The following TMEM132B variants were observed in gnomAD, a reference collection of about 807,000 sequenced individuals.
TMEM132B encodes the protein transmembrane protein 132B.
TMEM132B carries 18 observed loss-of-function variants against 90.8 expected under a neutral mutation model. The ratio of observed to expected loss-of-function variants is 0.20; its 90% CI spans 0.14 to 0.29. The LOEUF is 0.29. Among genes scored for constraint, TMEM132B ranks in the 10% least tolerant of loss-of-function variants. The pLI is 1.00. For missense variants in TMEM132B, 1,096 were observed against 1,326.8 expected, an observed-to-expected ratio of 0.83 and a Z score of 2.70; for synonymous variants, 504 against 523.3, an observed-to-expected ratio of 0.96 and a Z score of 0.50.
intron 5 of TMEM132B, 129 bp downstream of exon 5, chr12:125,584,123 C>A: frequency 7.2e-7 from 1 of 1,383,002 alleles, no homozygotes; most frequent in South Asian, 1.2e-5. Flanking sequence ...AATGACCTCA[C>A]GAAGGAGGAA....
chr12:125,333,698 G>T (rs1001000507), intron 1 of TMEM132B, among the ~76,000 whole-genome samples: 2 of 152,180 alleles, frequency 1.3e-5, no homozygotes, highest in South Asian at 2.1e-4. Flanking sequence ...GCTGATTACT[G>T]CTGGGTAAGA....
At chr12:125,569,330 G>T (rs1051390843) in intron 4 of TMEM132B, among the ~76,000 whole-genome samples, 9 of 152,128 alleles carry the variant, frequency 5.9e-5, no homozygotes, top group Non-Finnish European at 1.0e-4. Flanking sequence ...TGCTGGCCCA[G>T]GGTCACCTAG....
At chr12:125,577,441 G>A (rs1366553922) in intron 4 of TMEM132B, among the ~76,000 whole-genome samples, 1 of 150,254 alleles carries the variant, frequency 6.7e-6, no homozygotes, top group African/African-American at 2.4e-5. Context: ...TCATTGCATT[G>A]GTTTTCTGTA....
At chr12:125,558,867 G>T (rs1884455082) in intron 4 of TMEM132B, among the ~76,000 whole-genome samples, 1 of 152,114 alleles carries the variant, frequency 6.6e-6, no homozygotes, top group Non-Finnish European at 1.5e-5. Flanking sequence ...GACAAACAAG[G>T]TTCCTGTCTC....
At chr12:125,582,539 C>T (rs1300043474) in intron 4 of TMEM132B, among the ~76,000 whole-genome samples, 1 of 152,128 alleles carries the variant, frequency 6.6e-6, no homozygotes, top group Non-Finnish European at 1.5e-5. Context: ...GGTGAACTCT[C>T]ATTGCTGGGC....
intron 1 of TMEM132B, among the ~76,000 whole-genome samples, chr12:125,252,091 T>C (rs1874329818): frequency 6.6e-6 from 1 of 152,174 alleles, no homozygotes; most frequent in Admixed American, 6.5e-5. Flanking sequence ...ACCCACTACC[T>C]AACGTGATGG....
chr12:125,614,643 G>A (rs1885944093), intron 5 of TMEM132B, among the ~76,000 whole-genome samples: 1 of 152,140 alleles, frequency 6.6e-6, no homozygotes, highest in South Asian at 2.1e-4. Context: ...TGCTGGCAAA[G>A]CTGTAGAAAA....
intron 1 of TMEM132B, among the ~76,000 whole-genome samples, chr12:125,198,847 C>T (rs1343249973): frequency 6.6e-6 from 1 of 152,184 alleles, no homozygotes; most frequent in Admixed American, 6.5e-5. Flanking sequence ...TCCCTCCTGC[C>T]CCTGGAGGCT....
intron 5 of TMEM132B, among the ~76,000 whole-genome samples, chr12:125,596,005 A>G (rs1018787813): frequency 6.6e-6 from 1 of 151,856 alleles, no homozygotes; most frequent in African/African-American, 2.4e-5. Flanking sequence ...AGAGAAACTC[A>G]CTCATGTCAG....
At chr12:125,229,025 C>T (rs11058085) in intron 1 of TMEM132B, among the ~76,000 whole-genome samples, 18,681 of 152,190 alleles carry the variant, frequency 0.12, 1,279 homozygotes, top group Non-Finnish European at 0.15. Context: ...TATGGTGCCG[C>T]GGGCGAGGGA....
chr12:125,266,427 C>T (rs1175342621), intron 1 of TMEM132B, among the ~76,000 whole-genome samples: 1 of 152,194 alleles, frequency 6.6e-6, no homozygotes, highest in East Asian at 1.9e-4. Context: ...GTATTACCTT[C>T]CCTTTAAAAT....
chr12:125,282,652 T>G (rs1419010735), intron 1 of TMEM132B, among the ~76,000 whole-genome samples: 10 of 152,150 alleles, frequency 6.6e-5, no homozygotes, highest in South Asian at 2.1e-4. Flanking sequence ...TTGGCAGAGC[T>G]TGGATGTGGC....
chr12:125,477,205 T>C (rs1480029937), intron 3 of TMEM132B, among the ~76,000 whole-genome samples: 1 of 151,912 alleles, frequency 6.6e-6, no homozygotes, highest in African/African-American at 2.4e-5. Flanking sequence ...CAAATGTGAA[T>C]ATATATATAT....
At chr12:125,402,842 A>G (rs1234261476) in intron 2 of TMEM132B, among the ~76,000 whole-genome samples, 1 of 152,148 alleles carries the variant, frequency 6.6e-6, no homozygotes, top group Non-Finnish European at 1.5e-5. Context: ...GTAATGAAGA[A>G]CCTATGGAAA....
At position 125,415,302 on chromosome 12, in the gene TMEM132B, T is replaced by C. The variant is rs1326617420; in HGVS notation, c.960-229T>C. 6.6e-6 allele frequency among the ~76,000 whole-genome samples: 1 copy of C among 152,216 alleles called. No individual in the cohort carries two copies. Among genetic ancestry groups the C allele is most frequent in the Non-Finnish European group, 1.5e-5 (1 of 68,042 alleles). ...GCACACTGATTAAACAGAAAATTAA[T>C]GCACATGGCAAAAGCTGGGGCTCCT... On this transcript the variant is annotated intron_variant, in intron 2 of 8. Transcript: ENST00000682704. The surrounding 1 kb of genome is among the most constrained non-coding windows in gnomAD (Gnocchi z 5.3).
At chr12:125,362,706 A>C (rs1877998757) in intron 2 of TMEM132B, among the ~76,000 whole-genome samples, 1 of 152,236 alleles carries the variant, frequency 6.6e-6, no homozygotes, top group Non-Finnish European at 1.5e-5. Flanking sequence ...ATAGAATGGA[A>C]ACCATGCAGT....
chr12:125,580,847 A>C (rs1035707916), intron 4 of TMEM132B, among the ~76,000 whole-genome samples: 10 of 152,156 alleles, frequency 6.6e-5, no homozygotes, highest in Admixed American at 5.9e-4. Context: ...GAAACCTAGA[A>C]CTCACACAAA....
intron 1 of TMEM132B, among the ~76,000 whole-genome samples, chr12:125,300,578 T>A (rs953354414): frequency 2.0e-5 from 3 of 152,240 alleles, no homozygotes; most frequent in Admixed American, 2.0e-4. Context: ...ATCTTTGTCA[T>A]AATAACTACA....
At chr12:125,509,758 A>C (rs2136627235) in intron 3 of TMEM132B, among the ~76,000 whole-genome samples, 1 of 152,298 alleles carries the variant, frequency 6.6e-6, no homozygotes, top group East Asian at 1.9e-4. Flanking sequence ...TCAGACCCCC[A>C]GTTCCAATCT....
Sources: allele counts gnomAD v4.1 joint callset (sites outside exome capture counted in the v4.1 genomes callset), GRCh38; gene constraint gnomAD v4.1.1; non-coding constraint Gnocchi (gnomAD v3.1); transcripts MANE v1.5; gene names NCBI Gene and HGNC (gene_info 2026-07-23, HGNC 2026-07-21).